Variants in GLI3 observed in about 807,000 individuals in gnomAD.
GLI3 encodes the protein transcription activator GLI3.
In GLI3, 20 loss-of-function variants were observed where a neutral mutation model predicts 100.8. That is an observed-to-expected ratio of 0.20 (90% CI 0.14 to 0.29). The LOEUF (loss-of-function observed/expected upper bound fraction) is 0.29. Among genes scored for constraint, GLI3 ranks in the 10% least tolerant of loss-of-function variants. The probability of loss-of-function intolerance (pLI) is 1.00; values close to 1 mark genes in which losing one functional copy is unlikely to be tolerated. For missense variants in GLI3, 2,040 were observed against 2,128.5 expected (o/e 0.96, Z 0.82); for synonymous variants, 938 against 860.5 (o/e 1.09, Z -1.58).
chr7:42,072,098 T>C (rs965792848), intron 4 of GLI3, among the ~76,000 whole-genome samples: 2 of 152,248 alleles, frequency 1.3e-5, no homozygotes, highest in African/African-American at 2.4e-5. Context: ...ACAGCCTTTA[T>C]GTGAGCTGGC....
At chr7:42,261,037 G>A (rs922930785) in intron 1 of GLI3, among the ~76,000 whole-genome samples, 1 of 152,156 alleles carries the variant, frequency 6.6e-6, no homozygotes, top group East Asian at 1.9e-4. Flanking sequence ...AATTCATAAA[G>A]AAAAGAAGTT....
chr7:42,081,295 G>A (rs1232648377), intron 3 of GLI3, among the ~76,000 whole-genome samples: 1 of 152,180 alleles, frequency 6.6e-6, no homozygotes, highest in African/African-American at 2.4e-5. Flanking sequence ...AACTGTACAT[G>A]CTTATGGTTG....
chr7:42,116,238 G>A (rs1037558397), intron 3 of GLI3, among the ~76,000 whole-genome samples: 1 of 152,088 alleles, frequency 6.6e-6, no homozygotes, highest in African/African-American at 2.4e-5. Flanking sequence ...CCCTATTTAA[G>A]TGCTGAGTTA....
chr7:42,027,094 T>C lies in GLI3; in HGVS notation c.1029-682A>G, dbSNP rs76183303. On this transcript the variant is annotated intron_variant, in intron 7 of 14. Coordinates refer to ENST00000395925, the MANE Select transcript of GLI3 (RefSeq NM_000168.6). ...TAGCTAAACAGCATTTAATGTCTAT[T>C]AAAGCCCATTATGCATGCTAATGAC... is the stretch of plus-strand genomic sequence containing the variant. 5.8e-3 allele frequency among the ~76,000 whole-genome samples: 876 copies of C among 152,324 alleles called. 13 individuals carry two copies. Among genetic ancestry groups the C allele is most frequent in the African/African-American group, 0.02 (842 of 41,562 alleles).
intron 3 of GLI3, among the ~76,000 whole-genome samples, chr7:42,084,901 C>CTTTTTTTTTTTTTTTTTTT (rs747166719): frequency 2.1e-5 from 1 of 47,502 alleles, no homozygotes; most frequent in Non-Finnish European, 3.5e-5. Flanking sequence ...CATTTGGATT[C>CTTTTTTTTTTTTTTTTTTT]TTTTTTTTTT....
chr7:41,988,143 T>G (rs1787880453), intron 10 of GLI3, among the ~76,000 whole-genome samples: 2 of 152,176 alleles, frequency 1.3e-5, no homozygotes, highest in Non-Finnish European at 2.9e-5. Flanking sequence ...TGTTGAAACT[T>G]AATCACCAGT....
intron 3 of GLI3, among the ~76,000 whole-genome samples, chr7:42,099,129 T>G (rs1785403997): frequency 6.6e-6 from 1 of 152,132 alleles, no homozygotes; most frequent in African/African-American, 2.4e-5. Flanking sequence ...TCCGCCCTCT[T>G]CCCCACTATC....
At position 42,206,234 on chromosome 7, in the gene GLI3, C is replaced by G. The variant is rs528627297; in HGVS notation, c.124+16896G>C. On this transcript the variant is annotated intron_variant, in intron 2 of 14. Transcript: ENST00000395925. ...AGTGAGCCAAGATAGCACTACTGCACCCCAGCCTGGGCAACAGAACGAGAC... is the reference window on the plus strand; with the variant it reads ...AGTGAGCCAAGATAGCACTACTGCAGCCCAGCCTGGGCAACAGAACGAGAC... 2.0e-5 allele frequency among the ~76,000 whole-genome samples: 3 copies of G among 151,782 alleles called. No individual in the cohort carries two copies. The South Asian group carries it at 6.3e-4, about 32-fold the overall frequency.
chr7:41,966,787 T>A lies in GLI3; in HGVS notation c.2432-146A>T. ...GCCACATTGCCTGCCTCACAACTAC[T>A]CAGCTCTGCAGTGTAGCCCCAACAC... is the stretch of plus-strand genomic sequence containing the variant. On this transcript the variant is annotated intron_variant, in intron 14 of 14. Transcript: ENST00000395925. This position sits in a 1 kb window ranked among gnomAD's most constrained non-coding sequence, Gnocchi z 5.8. 1.3e-6 allele frequency: 1 copy of A among 798,710 alleles called. No individual in the cohort carries two copies. The highest frequency in any genetic ancestry group is 2.1e-6 in the Non-Finnish European group (1 of 474,856). The allele number at this position is 798,710 out of a possible 1,614,324, so 49.5% of individuals were successfully genotyped here.
chr7:41,984,685 C>T (rs1210025008), intron 10 of GLI3, among the ~76,000 whole-genome samples: 1 of 152,184 alleles, frequency 6.6e-6, no homozygotes, highest in Non-Finnish European at 1.5e-5. Flanking sequence ...TTGCTAAAAA[C>T]AGTGGAGGGG....
intron 1 of GLI3, among the ~76,000 whole-genome samples, chr7:42,253,120 G>A (rs1261298136): frequency 6.6e-6 from 1 of 152,198 alleles, no homozygotes; most frequent in Non-Finnish European, 1.5e-5. Flanking sequence ...GTAGCTAGCT[G>A]AGCCACGACT....
chr7:42,180,994 T>G (rs949748478), intron 2 of GLI3, among the ~76,000 whole-genome samples: 3 of 152,290 alleles, frequency 2.0e-5, no homozygotes, highest in African/African-American at 7.2e-5. Flanking sequence ...GGCTACAGTG[T>G]AAATATTTTC....
intron 3 of GLI3, among the ~76,000 whole-genome samples, chr7:42,145,135 ATAAT>A: frequency 6.6e-6 from 1 of 152,352 alleles, no homozygotes; most frequent in African/African-American, 2.4e-5. Context: ...CTTTGCCTGG[ATAAT>A]TAAATCCATG....
intron 3 of GLI3, among the ~76,000 whole-genome samples, chr7:42,098,435 G>A (rs946622122): frequency 2.6e-5 from 4 of 152,044 alleles, no homozygotes; most frequent in African/African-American, 9.7e-5. Context: ...TAGGATCAGG[G>A]AGGTGATGTG....
At chr7:42,078,658 C>A (rs190148118) in intron 3 of GLI3, among the ~76,000 whole-genome samples, 3 of 150,736 alleles carry the variant, frequency 2.0e-5, no homozygotes, top group Admixed American at 2.0e-4. Flanking sequence ...ACTGTAGTAT[C>A]GTGATATACA....
chr7:42,148,947 T>C (rs188727234), intron 2 of GLI3, among the ~76,000 whole-genome samples: 72 of 152,322 alleles, frequency 4.7e-4, no homozygotes, highest in African/African-American at 1.7e-3. Flanking sequence ...CTCCAGGGGA[T>C]GTAGGGCCTT....
intron 3 of GLI3, 58 bp downstream of exon 3, chr7:42,148,168 C>T (rs1786765628): frequency 1.4e-5 from 21 of 1,545,932 alleles, no homozygotes; most frequent in Non-Finnish European, 1.8e-5. Flanking sequence ...CACACACACA[C>T]ACACACACAG....
At chr7:42,209,573 C>G (rs1000595649) in intron 2 of GLI3, among the ~76,000 whole-genome samples, 1 of 152,100 alleles carries the variant, frequency 6.6e-6, no homozygotes, top group African/African-American at 2.4e-5. Context: ...CTGCAAAATT[C>G]CTGTGGAAAT....
intron 2 of GLI3, among the ~76,000 whole-genome samples, chr7:42,149,546 A>C (rs1436601255): frequency 6.6e-6 from 1 of 152,204 alleles, no homozygotes; most frequent in African/African-American, 2.4e-5. Context: ...ACATGCTCCT[A>C]AACAAGTTCC....
Sources: allele counts gnomAD v4.1 joint callset (sites outside exome capture counted in the v4.1 genomes callset), GRCh38; gene constraint gnomAD v4.1.1; non-coding constraint Gnocchi (gnomAD v3.1); transcripts MANE v1.5; gene names NCBI Gene and HGNC (gene_info 2026-07-23, HGNC 2026-07-21).